Variants in CDH13 observed in about 807,000 individuals in gnomAD.
The protein encoded by CDH13 is cadherin-13.
Under a neutral mutation model 63.8 loss-of-function variants are expected in CDH13, and 24 were observed. The ratio of observed to expected loss-of-function variants is 0.38; its 90% CI spans 0.27 to 0.53. The LOEUF (loss-of-function observed/expected upper bound fraction) is 0.53. Ranked by LOEUF, CDH13 falls within the 20% of genes least tolerant of loss-of-function variation. The pLI is 0.85. For synonymous variants in CDH13, 503 were observed against 355.3 expected (o/e 1.42, Z -4.67); for missense variants, 1,049 against 903.1 (o/e 1.16, Z -2.07).
At chr16:82,750,261 C>G (rs1034708773) in intron 1 of CDH13, among the ~76,000 whole-genome samples, 1 of 152,062 alleles carries the variant, frequency 6.6e-6, no homozygotes, top group Non-Finnish European at 1.5e-5. Context: ...AGTAAATAAA[C>G]AAGCCACATC....
At chr16:83,264,130 CAG>C (rs1212538964) in intron 5 of CDH13, among the ~76,000 whole-genome samples, 3 of 152,174 alleles carry the variant, frequency 2.0e-5, no homozygotes, top group African/African-American at 7.2e-5. Context: ...TGAAGTGAAT[CAG>C]AGTTATAGAT....
At chr16:83,517,026 G>T (rs963159114) in intron 7 of CDH13, among the ~76,000 whole-genome samples, 1 of 152,166 alleles carries the variant, frequency 6.6e-6, no homozygotes, top group Non-Finnish European at 1.5e-5. Context: ...AAAAAGTCTG[G>T]ATACATTGAC....
intron 10 of CDH13, among the ~76,000 whole-genome samples, chr16:83,713,764 G>A (rs892888440): frequency 5.3e-5 from 8 of 152,160 alleles, no homozygotes; most frequent in African/African-American, 1.9e-4. Context: ...GAACAGTTAA[G>A]AGCAGACACC....
rs7197352 is a variant in CDH13, at chr16:83,032,214, T to C, written c.362T>C (p.Leu121Ser). The change falls in exon 3 of 14, where the codon TTG (leucine) becomes TCG (serine). Residue 121 changes from leucine to serine, a missense_variant. Leu to Ser is a moderately radical substitution (Grantham distance 145). Coordinates refer to ENST00000567109, the MANE Select transcript of CDH13 (RefSeq NM_001257.5). ...GGGGGGAAAGACATCCAGGGCTCCT[T>C]GCAGGTAACACATCTGTTTGAGATA... ...IVGGKDIQGS[L>S]QDIFKFARTS... The C allele has an allele frequency of 4.6e-5, 74 of 1,612,796 alleles. No individual in the cohort carries two copies. In the African/African-American group the frequency reaches 8.9e-4, roughly 19 times the overall value.
intron 11 of CDH13, among the ~76,000 whole-genome samples, chr16:83,756,142 T>C (rs1913489138): frequency 6.6e-6 from 1 of 151,868 alleles, no homozygotes; most frequent in Non-Finnish European, 1.5e-5. Flanking sequence ...AACAAATTAA[T>C]AGAAGGAAAT....
intron 7 of CDH13, among the ~76,000 whole-genome samples, chr16:83,588,490 C>T (rs369177337): frequency 6.6e-6 from 1 of 152,164 alleles, no homozygotes. Context: ...GACTATAACC[C>T]GATGACCACA....
intron 3 of CDH13, among the ~76,000 whole-genome samples, chr16:83,066,210 A>T (rs1308646805): frequency 6.6e-6 from 1 of 152,206 alleles, no homozygotes. Context: ...CATGGTGATG[A>T]TGAGTTCTTC....
chr16:82,666,535 G>T (rs1054844980), intron 1 of CDH13, among the ~76,000 whole-genome samples: 1 of 152,186 alleles, frequency 6.6e-6, no homozygotes, highest in Admixed American at 6.5e-5. Context: ...TAAGGGGAAA[G>T]CACACACTTT....
intron 1 of CDH13, among the ~76,000 whole-genome samples, chr16:82,648,518 A>T (rs1203521993): frequency 2.6e-5 from 4 of 152,208 alleles, no homozygotes; most frequent in South Asian, 2.1e-4. Flanking sequence ...TGGAAAAATC[A>T]TATGAATGAG....
At chr16:83,100,784 C>G (rs2034437405) in intron 3 of CDH13, among the ~76,000 whole-genome samples, 1 of 152,208 alleles carries the variant, frequency 6.6e-6, no homozygotes, top group African/African-American at 2.4e-5. Context: ...AGGGTATACA[C>G]TTGCAGCACC....
intron 10 of CDH13, among the ~76,000 whole-genome samples, chr16:83,742,275 C>T (rs1912139062): frequency 6.6e-6 from 1 of 152,172 alleles, no homozygotes; most frequent in South Asian, 2.1e-4. Context: ...CCCCAGTAAC[C>T]CCCACTGCGC....
chr16:83,227,180 C>T (rs1442909600), intron 5 of CDH13, among the ~76,000 whole-genome samples: 1 of 152,180 alleles, frequency 6.6e-6, no homozygotes, highest in East Asian at 1.9e-4. Context: ...AACCCGGATG[C>T]AAGCACCACA....
At chr16:83,277,159 A>T (rs1184445270) in intron 5 of CDH13, among the ~76,000 whole-genome samples, 1 of 152,180 alleles carries the variant, frequency 6.6e-6, no homozygotes. Context: ...GGATAGGTGG[A>T]TTCATTGGTA....
intron 3 of CDH13, among the ~76,000 whole-genome samples, chr16:83,117,559 G>A (rs1435843381): frequency 6.6e-6 from 1 of 151,472 alleles, no homozygotes; most frequent in Non-Finnish European, 1.5e-5. Context: ...CTCTACAATT[G>A]AAGCTTCATG....
At chr16:82,722,927 G>A (rs1011413424) in intron 1 of CDH13, 2 of 152,208 alleles carry the variant, frequency 1.3e-5, no homozygotes, top group Non-Finnish European at 2.9e-5. Flanking sequence ...CAAGGCACAT[G>A]TTTTCTCACA....
intron 5 of CDH13, among the ~76,000 whole-genome samples, chr16:83,286,062 T>G (rs1207128500): frequency 6.6e-6 from 1 of 152,000 alleles, no homozygotes; most frequent in Non-Finnish European, 1.5e-5. Flanking sequence ...CAAATGCAAG[T>G]CTCTAAATTT....
At chr16:83,038,738 G>A (rs149618868) in intron 3 of CDH13, among the ~76,000 whole-genome samples, 16 of 152,238 alleles carry the variant, frequency 1.1e-4, no homozygotes, top group African/African-American at 2.6e-4. Flanking sequence ...CGTTCCTCAC[G>A]CAGAAATGTC....
rs1427215372 is a variant in CDH13, at chr16:82,824,932, TAC to T, written c.46-33429_46-33428del. 2.1e-4 allele frequency: 32 copies of T among 152,326 alleles called. 2 individuals carry two copies. The highest frequency in any genetic ancestry group is 7.2e-4 in the African/African-American group (30 of 41,576). The allele number at this position is 152,326 out of a possible 1,614,324, so 9.4% of individuals were successfully genotyped here. A position where few individuals can be genotyped will look rare whatever the true frequency, so the allele number is the denominator to read the frequency against. On this transcript the variant is annotated intron_variant, in intron 1 of 13. Transcript: ENST00000567109. ...ATGCATGCTGCTTCTGTTAAAAAAA[TAC>T]TTTTAATCTTTTACAGATACCTTCT...
chr16:83,773,310 C>G (rs1914880703), intron 11 of CDH13, among the ~76,000 whole-genome samples: 2 of 152,172 alleles, frequency 1.3e-5, no homozygotes, highest in Admixed American at 6.5e-5. Flanking sequence ...CATTCTCATA[C>G]TACTGTATAG....
Sources: allele counts gnomAD v4.1 joint callset (sites outside exome capture counted in the v4.1 genomes callset), GRCh38; gene constraint gnomAD v4.1.1; transcripts MANE v1.5; gene names NCBI Gene and HGNC (gene_info 2026-07-23, HGNC 2026-07-21).